Variants in BTRC observed in about 807,000 individuals in gnomAD.
BTRC encodes the protein F-box/WD repeat-containing protein 1A.
Under a neutral mutation model 85.5 loss-of-function variants are expected in BTRC, and 42 were observed. The observed-to-expected ratio is 0.49, with a 90% CI of 0.38 to 0.64. The LOEUF (loss-of-function observed/expected upper bound fraction) is 0.64, where lower values mean the gene tolerates loss of function less well. Ranked by LOEUF, BTRC falls within the 30% of genes least tolerant of loss-of-function variation. The pLI is 0.00. For missense variants in BTRC, 594 were observed against 743.5 expected (o/e 0.80, Z 2.34); for synonymous variants, 255 against 263.3 (o/e 0.97, Z 0.30).
At chr10:101,441,762 T>C (rs1944684414) in intron 2 of BTRC, among the ~76,000 whole-genome samples, 1 of 150,638 alleles carries the variant, frequency 6.6e-6, no homozygotes, top group Non-Finnish European at 1.5e-5. Flanking sequence ...ATGCCTGTGA[T>C]CCCAGCTGCT....
At chr10:101,388,782 C>T (rs1446555086) in intron 1 of BTRC, among the ~76,000 whole-genome samples, 1 of 152,212 alleles carries the variant, frequency 6.6e-6, no homozygotes, top group African/African-American at 2.4e-5. Context: ...TGAGCGACTG[C>T]ACCCAGCCCA....
Position 101,504,944 on chromosome 10 carries a change from A to T in BTRC, c.325-16695A>T, listed in dbSNP as rs573292355. On this transcript the variant is annotated intron_variant, in intron 4 of 14. Coordinates refer to ENST00000370187, the MANE Select transcript of BTRC (RefSeq NM_033637.4). ...TATTTGACTAATAAATTTTAAAAAA[A>T]TTTTGTTTTCTTTTTGAGATGAAGT... 1.2e-4 allele frequency among the ~76,000 whole-genome samples: 18 copies of T among 151,184 alleles called. No homozygotes were observed. In the East Asian group the frequency reaches 2.0e-3, roughly 16 times the overall value.
At chr10:101,545,599 C>T (rs934407904) in intron 13 of BTRC, among the ~76,000 whole-genome samples, 1 of 152,096 alleles carries the variant, frequency 6.6e-6, no homozygotes, top group Non-Finnish European at 1.5e-5. Context: ...CACACAGAGA[C>T]CATGTGAAGA....
chr10:101,362,711 G>A (rs2134483249), intron 1 of BTRC, among the ~76,000 whole-genome samples: 1 of 152,214 alleles, frequency 6.6e-6, no homozygotes, highest in South Asian at 2.1e-4. Context: ...AATTTTTTGT[G>A]TTTTGTTAAT....
intron 1 of BTRC, among the ~76,000 whole-genome samples, chr10:101,426,001 A>G (rs1295566332): frequency 1.3e-5 from 2 of 152,228 alleles, no homozygotes; most frequent in Non-Finnish European, 2.9e-5. Flanking sequence ...AACATCTTAC[A>G]TATTTGTCAG....
At chr10:101,483,185 C>G (rs1018446776) in intron 4 of BTRC, among the ~76,000 whole-genome samples, 1 of 152,142 alleles carries the variant, frequency 6.6e-6, no homozygotes, top group South Asian at 2.1e-4. Context: ...CGAAGGGTAC[C>G]AATTAGTCCT....
intron 3 of BTRC, among the ~76,000 whole-genome samples, chr10:101,470,609 C>T (rs761204606): frequency 3.9e-5 from 6 of 152,076 alleles, no homozygotes; most frequent in Non-Finnish European, 7.4e-5. Flanking sequence ...GGATTACAGG[C>T]GCGAGCCACC....
chr10:101,485,918 G>A (rs894607222), intron 4 of BTRC, among the ~76,000 whole-genome samples: 6 of 152,190 alleles, frequency 3.9e-5, no homozygotes, highest in Non-Finnish European at 7.3e-5. Flanking sequence ...GATGCATGTC[G>A]GATCACCCGC....
chr10:101,394,851 A>ACATG lies in BTRC; in HGVS notation c.49-35494_49-35493insCATG, dbSNP rs1205694398. ...CAGCAAAAGCACAGATTTCTTACAC[A>ACATG]TACATGTAATGCATGTCTGCTTATA... On this transcript the variant is annotated intron_variant, in intron 1 of 14. Transcript: ENST00000370187. 3.3e-5 allele frequency among the ~76,000 whole-genome samples: 5 copies of ACATG among 152,296 alleles called. No homozygotes were observed. The East Asian group carries it at 9.6e-4, about 29-fold the overall frequency.
intron 4 of BTRC, among the ~76,000 whole-genome samples, chr10:101,500,125 T>C (rs1946366145): frequency 6.6e-6 from 1 of 151,660 alleles, no homozygotes; most frequent in Non-Finnish European, 1.5e-5. Flanking sequence ...GGGATATGTA[T>C]GAAAATGTGT....
At chr10:101,431,293 T>G (rs2134083796) in intron 2 of BTRC, among the ~76,000 whole-genome samples, 1 of 152,098 alleles carries the variant, frequency 6.6e-6, no homozygotes, top group East Asian at 1.9e-4. Context: ...GCCAGGCTGG[T>G]CTCGAACTCC....
intron 2 of BTRC, among the ~76,000 whole-genome samples, chr10:101,454,435 A>G (rs1945024552): frequency 6.6e-6 from 1 of 152,204 alleles, no homozygotes; most frequent in African/African-American, 2.4e-5. Flanking sequence ...AGACTTGAAT[A>G]GATGAGATAA....
chr10:101,403,037 A>G (rs1163964551), intron 1 of BTRC, among the ~76,000 whole-genome samples: 1 of 152,242 alleles, frequency 6.6e-6, no homozygotes, highest in East Asian at 1.9e-4. Context: ...CCTCTTTAAA[A>G]GCAGGGACTC....
chr10:101,492,673 T>C (rs1159426356), intron 4 of BTRC, among the ~76,000 whole-genome samples: 1 of 152,190 alleles, frequency 6.6e-6, no homozygotes. Context: ...ACCCTTTCTT[T>C]AGATAATAAG....
At chr10:101,547,955 C>T (rs1341630389) in intron 13 of BTRC, among the ~76,000 whole-genome samples, 1 of 152,106 alleles carries the variant, frequency 6.6e-6, no homozygotes, top group Non-Finnish European at 1.5e-5. Flanking sequence ...AATCCAACAC[C>T]CATTCATGAT....
At chr10:101,478,405 T>C (rs928788697) in intron 3 of BTRC, among the ~76,000 whole-genome samples, 6 of 152,156 alleles carry the variant, frequency 3.9e-5, no homozygotes, top group Non-Finnish European at 5.9e-5. Context: ...AAGCTTGTAT[T>C]GAGATTCTTT....
intron 4 of BTRC, among the ~76,000 whole-genome samples, chr10:101,506,377 C>T (rs557666182): frequency 6.6e-6 from 1 of 152,286 alleles, no homozygotes; most frequent in Admixed American, 6.5e-5. Context: ...CCTTTCCTGC[C>T]TTTCTCTGTC....
intron 2 of BTRC, among the ~76,000 whole-genome samples, chr10:101,446,160 T>C (rs1364543095): frequency 7.9e-6 from 1 of 127,278 alleles, no homozygotes; most frequent in Non-Finnish European, 1.6e-5. Flanking sequence ...AGATATGTTC[T>C]AGGTTTATTA....
rs368771357 is a variant in BTRC at position 101,417,288 on chromosome 10, C to T, written c.49-13057C>T. On this transcript the variant is annotated intron_variant, in intron 1 of 14. Coordinates refer to ENST00000370187, the MANE Select transcript of BTRC (RefSeq NM_033637.4). ...TTTAGTAGTCATACCTCTTTAGTCTCGTTTACTCTGGAACAGTTCTTCAGT... is the reference window on the plus strand; with the variant it reads ...TTTAGTAGTCATACCTCTTTAGTCTTGTTTACTCTGGAACAGTTCTTCAGT... Among the ~76,000 whole-genome samples the T allele has an allele frequency of 3.1e-4, 47 of 152,302 alleles. No homozygotes were observed. The South Asian group carries it at 7.5e-3, about 24-fold the overall frequency.
Sources: gnomAD v4.1 joint callset for allele counts (sites outside exome capture counted in the v4.1 genomes callset) on GRCh38, gnomAD v4.1.1 for gene constraint, MANE v1.5 for transcripts, NCBI Gene and HGNC (gene_info 2026-07-23, HGNC 2026-07-21) for gene names.